FSIP1: variants seen among roughly 807,000 people sequenced by gnomAD.
FSIP1 encodes fibrous sheath interacting protein 1.
In FSIP1, 65 loss-of-function variants were observed where a neutral mutation model predicts 60.9. The observed-to-expected ratio is 1.07, with a 90% CI of 0.87 to 1.31. The LOEUF is 1.31. FSIP1 is among the 40% of genes most tolerant of loss of function. FSIP1 has a pLI of 0.00. For synonymous variants in FSIP1, 209 were observed against 221.2 expected, an observed-to-expected ratio of 0.94 and a Z score of 0.49; for missense variants, 675 against 665.5, an observed-to-expected ratio of 1.01 and a Z score of -0.16.
intron 5 of FSIP1, among the ~76,000 whole-genome samples, chr15:39,749,491 G>A (rs1351935175): frequency 6.6e-6 from 1 of 151,940 alleles, no homozygotes; most frequent in Admixed American, 6.6e-5. Context: ...TTTATCCCTG[G>A]CAGGTAAGGG....
At chr15:39,637,821 G>A (rs1448081141) in intron 10 of FSIP1, among the ~76,000 whole-genome samples, 1 of 152,144 alleles carries the variant, frequency 6.6e-6, no homozygotes, top group Admixed American at 6.5e-5. Context: ...AAATACCCCT[G>A]TAGGTATCTT....
chr15:39,638,351 A>G (rs1378383490), intron 10 of FSIP1, among the ~76,000 whole-genome samples: 1 of 152,262 alleles, frequency 6.6e-6, no homozygotes, highest in Admixed American at 6.5e-5. Flanking sequence ...CAATGGAGCA[A>G]CACTGGAGAA....
intron 5 of FSIP1, among the ~76,000 whole-genome samples, chr15:39,751,962 TA>T (rs2097191099): frequency 6.6e-6 from 1 of 151,912 alleles, no homozygotes; most frequent in Non-Finnish European, 1.5e-5. Context: ...ATATACACAA[TA>T]AAATTTATTT....
At chr15:39,765,435 G>A (rs558944048) in intron 4 of FSIP1, among the ~76,000 whole-genome samples, 157 bp downstream of exon 4, 7 of 151,226 alleles carry the variant, frequency 4.6e-5, no homozygotes, top group Non-Finnish European at 1.0e-4. Context: ...GTACAGATGG[G>A]GTCTCTTTAT....
At chr15:39,735,596 A>C (rs986660700) in intron 8 of FSIP1, among the ~76,000 whole-genome samples, 2 of 152,194 alleles carry the variant, frequency 1.3e-5, no homozygotes, top group Non-Finnish European at 2.9e-5. Context: ...TAGACTTTAT[A>C]AACACTGTAA....
At chr15:39,696,939 A>G (rs8028503) in intron 10 of FSIP1, among the ~76,000 whole-genome samples, 115,170 of 138,930 alleles carry the variant, frequency 0.83, 47,966 homozygotes, top group Non-Finnish European at 0.87. Flanking sequence ...GGGATGGGGG[A>G]AGGTAAGCAT....
At chr15:39,722,166 G>T (rs577375369) in intron 9 of FSIP1, among the ~76,000 whole-genome samples, 1 of 151,986 alleles carries the variant, frequency 6.6e-6, no homozygotes, top group Admixed American at 6.6e-5. Context: ...ACCCTATCAT[G>T]AACTGCACAT....
At chr15:39,710,868 T>A (rs1477455329) in intron 10 of FSIP1, among the ~76,000 whole-genome samples, 1 of 152,248 alleles carries the variant, frequency 6.6e-6, no homozygotes, top group African/African-American at 2.4e-5. Context: ...CTTGGGACAG[T>A]GCCTGGCTCA....
intron 5 of FSIP1, among the ~76,000 whole-genome samples, chr15:39,762,302 A>G (rs1169582239): frequency 6.6e-6 from 1 of 152,146 alleles, no homozygotes; most frequent in Non-Finnish European, 1.5e-5. Flanking sequence ...GGGTCTTCCT[A>G]GCTTCTTTTG....
chr15:39,770,340 G>A, intron 3 of FSIP1, 87 bp downstream of exon 3: 1 of 980,074 alleles, frequency 1.0e-6, no homozygotes, highest in Non-Finnish European at 1.4e-6. Context: ...TAAAAACACA[G>A]GTAATACTAA....
intron 10 of FSIP1, among the ~76,000 whole-genome samples, chr15:39,647,064 A>T (rs1595569299): frequency 1.1e-5 from 1 of 90,304 alleles, no homozygotes; most frequent in African/African-American, 3.1e-5. Context: ...GGTTGTTACC[A>T]GGGGTGATAG....
At chr15:39,773,497 A>G (rs1003414740) in intron 2 of FSIP1, among the ~76,000 whole-genome samples, 1 of 152,240 alleles carries the variant, frequency 6.6e-6, no homozygotes. Flanking sequence ...TCTCCTTTTA[A>G]TAAGTCTTGA....
chr15:39,677,380 C>G (rs1486631863), intron 10 of FSIP1, among the ~76,000 whole-genome samples: 1 of 151,954 alleles, frequency 6.6e-6, no homozygotes, highest in Non-Finnish European at 1.5e-5. Flanking sequence ...TTTCTGTCCT[C>G]CCAACTGGGC....
At chr15:39,684,155 G>T (rs1206352884) in intron 10 of FSIP1, among the ~76,000 whole-genome samples, 1 of 152,106 alleles carries the variant, frequency 6.6e-6, no homozygotes, top group Non-Finnish European at 1.5e-5. Context: ...GGAAAAATAA[G>T]ATTGGAAAAA....
intron 10 of FSIP1, among the ~76,000 whole-genome samples, chr15:39,627,991 CT>C (rs949871701): frequency 6.6e-6 from 1 of 152,364 alleles, no homozygotes; most frequent in African/African-American, 2.4e-5. Context: ...CAACCAGCCT[CT>C]GCAGACTGTC....
At chr15:39,714,902 G>C (rs1039595750) in intron 9 of FSIP1, among the ~76,000 whole-genome samples, 2 of 151,074 alleles carry the variant, frequency 1.3e-5, no homozygotes, top group Non-Finnish European at 2.9e-5. Flanking sequence ...GAACCTGGGA[G>C]GTCGAGGCTG....
chr15:39,700,890 T>C (rs1424268212), intron 10 of FSIP1, among the ~76,000 whole-genome samples: 3 of 152,152 alleles, frequency 2.0e-5, no homozygotes, highest in African/African-American at 7.2e-5. Flanking sequence ...AGTGGCTCAC[T>C]CATGTAATCC....
chr15:39,660,816 A>C (rs1469828300), intron 10 of FSIP1, among the ~76,000 whole-genome samples: 6 of 152,202 alleles, frequency 3.9e-5, no homozygotes, highest in African/African-American at 7.2e-5. Flanking sequence ...TTTTCCCAGC[A>C]CTTTGGGAGG....
At chr15:39,754,852 A>G (rs977870022) in intron 5 of FSIP1, among the ~76,000 whole-genome samples, 1 of 152,162 alleles carries the variant, frequency 6.6e-6, no homozygotes, top group Admixed American at 6.6e-5. Context: ...GTCAAGTACA[A>G]TCAAAACTGG....
Sources: gnomAD v4.1 joint callset for allele counts (sites outside exome capture counted in the v4.1 genomes callset) on GRCh38, gnomAD v4.1.1 for gene constraint, MANE v1.5 for transcripts, NCBI Gene and HGNC (gene_info 2026-07-23, HGNC 2026-07-21) for gene names.